GABRB3: variants seen among roughly 807,000 people sequenced by gnomAD.
GABRB3 encodes gamma-aminobutyric acid receptor subunit beta-3.
A neutral mutation model predicts 52.1 loss-of-function variants in GABRB3; 14 were observed. That is an observed-to-expected ratio of 0.27 (90% CI 0.18 to 0.42). The LOEUF is 0.42. Ranked by LOEUF, GABRB3 falls within the 10% of genes least tolerant of loss-of-function variation. The pLI, the probability that GABRB3 is intolerant of heterozygous loss-of-function variation, is 1.00. For synonymous variants in GABRB3, 260 were observed against 232.3 expected (o/e 1.12, Z -1.08); for missense variants, 307 against 609.1 (o/e 0.50, Z 5.22).
chr15:26,587,125 A>G (rs1891021065), intron 4 of GABRB3, among the ~76,000 whole-genome samples: 1 of 152,222 alleles, frequency 6.6e-6, no homozygotes, highest in Non-Finnish European at 1.5e-5. Flanking sequence ...TTAGATTCAT[A>G]AATCGTAACA....
intron 6 of GABRB3, among the ~76,000 whole-genome samples, chr15:26,568,674 T>TA (rs1890276367): frequency 7.5e-6 from 1 of 133,904 alleles, no homozygotes; most frequent in Non-Finnish European, 1.6e-5. Context: ...GGTTTTTTTT[T>TA]TTTTTTTTGG....
intron 3 of GABRB3, among the ~76,000 whole-genome samples, chr15:26,708,745 T>A (rs1889189643): frequency 6.6e-6 from 1 of 152,154 alleles, no homozygotes; most frequent in South Asian, 2.1e-4. Flanking sequence ...CTAGCCAAAC[T>A]CCAAGGCTAT....
intron 4 of GABRB3, chr15:26,613,431 G>C (rs994030183): frequency 1.4e-5 from 2 of 146,450 alleles, no homozygotes; most frequent in African/African-American, 5.2e-5. Context: ...AAGAAGGAAA[G>C]AAAGAAAAAG....
intron 3 of GABRB3, chr15:26,624,389 C>A (rs531620176): frequency 1.0e-6 from 1 of 985,494 alleles, no homozygotes; most frequent in African/African-American, 1.7e-5. Context: ...CGCATGCTTA[C>A]GCCTGAGTCG....
chr15:26,765,407 T>C (rs1890970535), intron 3 of GABRB3, among the ~76,000 whole-genome samples: 2 of 152,234 alleles, frequency 1.3e-5, no homozygotes, highest in Admixed American at 6.5e-5. Flanking sequence ...GTATTATAAT[T>C]GGGTACAATC....
intron 3 of GABRB3, among the ~76,000 whole-genome samples, chr15:26,679,732 G>C (rs367610911): frequency 6.6e-6 from 1 of 152,004 alleles, no homozygotes; most frequent in Non-Finnish European, 1.5e-5. Flanking sequence ...GAATCAGCCT[G>C]TCCCAGTGAG....
intron 3 of GABRB3, among the ~76,000 whole-genome samples, chr15:26,732,457 G>C (rs949607415): frequency 2.0e-5 from 3 of 152,150 alleles, no homozygotes; most frequent in African/African-American, 4.8e-5. Context: ...CATGTTTAAA[G>C]ATTCTTAAAA....
chr15:26,646,570 A>G (rs1369423758), intron 3 of GABRB3, among the ~76,000 whole-genome samples: 1 of 152,120 alleles, frequency 6.6e-6, no homozygotes, highest in African/African-American at 2.4e-5. Context: ...CTGCTTGGGT[A>G]TATACCTAGA....
At chr15:26,583,029 G>C (rs1890844363) in intron 5 of GABRB3, among the ~76,000 whole-genome samples, 1 of 152,148 alleles carries the variant, frequency 6.6e-6, no homozygotes, top group African/African-American at 2.4e-5. Flanking sequence ...AGCCACTCAT[G>C]AGTGATGAAG....
chr15:26,713,698 G>A (rs977755488), intron 3 of GABRB3, among the ~76,000 whole-genome samples: 2 of 152,238 alleles, frequency 1.3e-5, no homozygotes, highest in Non-Finnish European at 2.9e-5. Flanking sequence ...TCCATAAGAT[G>A]TCGTGGGTGG....
intron 3 of GABRB3, among the ~76,000 whole-genome samples, chr15:26,659,327 A>G (rs1282548062): frequency 2.0e-5 from 3 of 152,112 alleles, no homozygotes; most frequent in African/African-American, 7.2e-5. Context: ...GTTCAAGAAC[A>G]GCCTTGCCAA....
chr15:26,762,946 C>T (rs889050830), intron 3 of GABRB3, among the ~76,000 whole-genome samples: 2 of 152,180 alleles, frequency 1.3e-5, no homozygotes, highest in Non-Finnish European at 2.9e-5. Flanking sequence ...TGGCACAGTC[C>T]AATATACCCT....
chr15:26,694,853 T>C (rs1206792987), intron 3 of GABRB3, among the ~76,000 whole-genome samples: 1 of 152,088 alleles, frequency 6.6e-6, no homozygotes, highest in East Asian at 1.9e-4. Flanking sequence ...AGCAGAGGGA[T>C]AAAGACACTA....
intron 3 of GABRB3, among the ~76,000 whole-genome samples, chr15:26,634,831 T>C (rs1893002106): frequency 6.9e-6 from 1 of 144,762 alleles, no homozygotes; most frequent in Admixed American, 7.3e-5. Flanking sequence ...TGTATATATG[T>C]GTTTGTGTGT....
chr15:26,574,936 A>C (rs767374809), intron 6 of GABRB3, among the ~76,000 whole-genome samples: 1 of 152,230 alleles, frequency 6.6e-6, no homozygotes, highest in African/African-American at 2.4e-5. Context: ...TGTTTACTAC[A>C]TGTATTTTTA....
At chr15:26,586,859 T>C (rs1891012115) in intron 4 of GABRB3, among the ~76,000 whole-genome samples, 2 of 151,924 alleles carry the variant, frequency 1.3e-5, no homozygotes, top group Non-Finnish European at 2.9e-5. Flanking sequence ...CTTATAGAAG[T>C]AGAGAGTAGA....
chr15:26,625,325 C>G (rs368887543), intron 3 of GABRB3: 6 of 305,584 alleles, frequency 2.0e-5, no homozygotes, highest in African/African-American at 1.1e-4. Context: ...CTTCCACACC[C>G]AACCCATCGC....
intron 4 of GABRB3, among the ~76,000 whole-genome samples, chr15:26,608,381 C>T (rs1891922781): frequency 6.6e-6 from 1 of 152,078 alleles, no homozygotes; most frequent in Admixed American, 6.6e-5. Flanking sequence ...GGGAAAACTA[C>T]ATGACATTAT....
intron 4 of GABRB3, among the ~76,000 whole-genome samples, chr15:26,598,209 T>C (rs1045909392): frequency 2.6e-5 from 4 of 152,122 alleles, no homozygotes; most frequent in South Asian, 2.1e-4. Context: ...ATCACAAGTT[T>C]TTTTTTTAAT....
Sources: gnomAD v4.1 joint callset for allele counts (sites outside exome capture counted in the v4.1 genomes callset) on GRCh38, gnomAD v4.1.1 for gene constraint, MANE v1.5 for transcripts, NCBI Gene and HGNC (gene_info 2026-07-23, HGNC 2026-07-21) for gene names.